The following PPP1R3E variants were observed in gnomAD, a reference collection of about 807,000 sequenced individuals.
The protein encoded by PPP1R3E is protein phosphatase 1 regulatory subunit 3E.
In PPP1R3E, 20 loss-of-function variants were observed where a neutral mutation model predicts 18.5. That is an observed-to-expected ratio of 1.08 (90% CI 0.76 to 1.58). The LOEUF (loss-of-function observed/expected upper bound fraction) is 1.58, where lower values mean the gene tolerates loss of function less well. Among genes scored for constraint, PPP1R3E ranks in the 40% most tolerant of loss-of-function variants. The pLI is 0.00. For missense variants in PPP1R3E, 498 were observed against 460.2 expected (o/e 1.08, Z -0.75); for synonymous variants, 208 against 208.1 (o/e 1.00, Z 0.00).
chr14:23,299,930 T>TTTG lies in PPP1R3E; in HGVS notation c.*246-390_*246-389insCAA, dbSNP rs1311388156. Among the ~76,000 whole-genome samples the TTTG allele has an allele frequency of 7.5e-5, 8 of 107,224 alleles. No individual in the cohort carries two copies. The East Asian group carries it at 8.6e-4, about 11-fold the overall frequency. The allele number at this position is 107,224 out of a possible 152,430, so 70.3% of individuals were successfully genotyped here. ...GCTTTGGTGTTTTTTTGTTTTTGTT[T>TTTG]TTTTTTTTTTTTTTTTTTTACAACC... is the stretch of plus-strand genomic sequence containing the variant. On this transcript the variant is annotated intron_variant, in intron 3 of 4. Coordinates refer to ENST00000452015, the MANE Select transcript of PPP1R3E (RefSeq NM_001276318.2).
In PPP1R3E at chr14:23,298,294, T is replaced by G. The variant is rs1297495098; in HGVS notation, c.*1010A>C. ...CTATGATCATTTCCTAATAAGAGAT[T>G]ATAGCAAGGTTTTAAATTTTGTTTT... is the stretch of plus-strand genomic sequence containing the variant. On this transcript the variant is annotated 3_prime_UTR_variant, in exon 5 of 5. Transcript: ENST00000452015. 6.6e-6 allele frequency: 1 copy of G among 152,060 alleles called. No homozygotes were observed. The highest frequency in any genetic ancestry group is 2.4e-5 in the African/African-American group (1 of 41,416). 9.4% of individuals were successfully genotyped at this position (152,060 alleles called of 1,614,324 possible).
At position 23,302,170 on chromosome 14, in the gene PPP1R3E, C is replaced by G. The variant is rs1237690679; in HGVS notation, c.407G>C (p.Arg136Pro). 1.4e-6 allele frequency: 2 copies of G among 1,411,178 alleles called. No individual in the cohort carries two copies. Among genetic ancestry groups the G allele is most frequent in the African/African-American group, 3.0e-5 (2 of 66,122 alleles). The allele number at this position is 1,411,178 out of a possible 1,614,324, so 87.4% of individuals were successfully genotyped here. The change falls in exon 1 of 5, where the codon CGC (arginine) becomes CCC (proline). Residue 136 changes from arginine to proline, a missense_variant. By Grantham distance (103) the Arg-to-Pro change is moderately radical. Coordinates refer to ENST00000452015, the MANE Select transcript of PPP1R3E (RefSeq NM_001276318.2). Reference protein sequence around the residue: ...RHFAPCQPRARGLQEARAALE... With the variant: ...RHFAPCQPRAPGLQEARAALE... ...GCCCCCGCCGCCTACCTGGAGGCCG[C>G]GGGCGCGGGGCTGGCAGGGCGCGAA...
At position 23,302,569 on chromosome 14, in the gene PPP1R3E, C is replaced by T. The variant is rs924655652; in HGVS notation, c.8G>A (p.Arg3His). The T allele has an allele frequency of 6.9e-7, 1 of 1,458,916 alleles. No individual in the cohort carries two copies. 90.4% of individuals were successfully genotyped at this position (1,458,916 alleles called of 1,614,324 possible). The change falls in exon 1 of 5, where the codon CGT (arginine) becomes CAT (histidine). Residue 3 changes from arginine to histidine, a missense_variant. Transcript: ENST00000452015. MS[R>H]ERPPGTDIPR... ...AATGTCGGTGCCCGGGGGCCGCTCACGGGACATGGCAGCCCCTTCCCCGGC... is the reference window on the plus strand; with the variant it reads ...AATGTCGGTGCCCGGGGGCCGCTCATGGGACATGGCAGCCCCTTCCCCGGC...
chr14:23,302,435 G>T lies in PPP1R3E; in HGVS notation c.142C>A (p.Arg48=). Residue 48 remains arginine (R), a synonymous_variant, in exon 1 of 5, where the codon CGG becomes AGG. Coordinates refer to ENST00000452015, the MANE Select transcript of PPP1R3E (RefSeq NM_001276318.2). ...TGAGCGCGGGATCGGGCCCCGAACC[G>T]CGTCCCGCCCTCGCCTGGCTCCTCC... ...PEEEPGEGGT[R]FGARSRAHAP... The T allele has an allele frequency of 6.7e-7, 1 of 1,500,278 alleles. No individual in the cohort carries two copies. Among genetic ancestry groups the T allele is most frequent in the Non-Finnish European group, 8.8e-7 (1 of 1,133,844 alleles). The allele number at this position is 1,500,278 out of a possible 1,614,324, so 92.9% of individuals were successfully genotyped here.
At position 23,301,704 on chromosome 14, in the gene PPP1R3E, A is replaced by C; in HGVS notation, c.572T>G (p.Val191Gly). 7.3e-7 allele frequency: 1 copy of C among 1,371,456 alleles called. No individual in the cohort carries two copies. 85.0% of individuals were successfully genotyped at this position (1,371,456 alleles called of 1,614,324 possible). ...VDLAYEKRVS[V>G]RWSADGWRSQ... ...CCGCCAGCCGTCGGCGCTCCAGCGC[A>C]CGCTCACGCGCTTCTCGTAGGCCAG... Residue 191 changes from valine (V) to glycine (G), a missense_variant, in exon 2 of 5, where the codon GTG becomes GGG. By Grantham distance (109) the Val-to-Gly change is moderately radical. Coordinates refer to ENST00000452015, the MANE Select transcript of PPP1R3E (RefSeq NM_001276318.2).
chr14:23,297,266 C>T lies in PPP1R3E; in HGVS notation c.*2038G>A, dbSNP rs149862323. 2.2e-4 allele frequency: 33 copies of T among 152,390 alleles called. 1 individual carries two copies. The highest frequency in any genetic ancestry group is 6.7e-4 in the African/African-American group (28 of 41,582). 9.4% of individuals were successfully genotyped at this position (152,390 alleles called of 1,614,324 possible). A position where few individuals can be genotyped will look rare whatever the true frequency, so the allele number is the denominator to read the frequency against. On this transcript the variant is annotated 3_prime_UTR_variant, in exon 5 of 5. Transcript: ENST00000452015. Reference sequence around the variant, plus strand: ...ATTCCGCTAAACTCCTAGTGTTCCCCGTGTCAGATTAGACTGCACCCGCTG... The same window carrying T: ...ATTCCGCTAAACTCCTAGTGTTCCCTGTGTCAGATTAGACTGCACCCGCTG...
rs1886904790 is a variant in PPP1R3E at position 23,297,334 on chromosome 14, T to C, written c.*1970A>G. On this transcript the variant is annotated 3_prime_UTR_variant, in exon 5 of 5. Coordinates refer to ENST00000452015, the MANE Select transcript of PPP1R3E (RefSeq NM_001276318.2). The stretch of plus-strand genomic sequence containing the variant: ...CAGCTCTGTCCATGCACACTCAGCT[T>C]TGCTTACTGAGGGTGTGAGAAATAC... The C allele has an allele frequency of 6.6e-6, 1 of 152,236 alleles. No homozygotes were observed. The highest frequency in any genetic ancestry group is 1.5e-5 in the Non-Finnish European group (1 of 68,056). The allele number at this position is 152,236 out of a possible 1,614,324, so 9.4% of individuals were successfully genotyped here. A position where few individuals can be genotyped will look rare whatever the true frequency, so the allele number is the denominator to read the frequency against.
chr14:23,301,094 A>G (rs186179480), intron 2 of PPP1R3E: 3 of 245,278 alleles, frequency 1.2e-5, no homozygotes, highest in Admixed American at 1.1e-4. Context: ...CCACTCACTG[A>G]AGGGAAGGCC....
At position 23,302,398 on chromosome 14, in the gene PPP1R3E, C is replaced by T. The variant is rs947369543; in HGVS notation, c.179G>A (p.Arg60Gln). 41 of 1,487,518 alleles carry T rather than the reference C, an allele frequency of 2.8e-5. No homozygotes were observed. Among genetic ancestry groups the T allele is most frequent in the Non-Finnish European group, 3.4e-5 (38 of 1,129,572 alleles). The allele number at this position is 1,487,518 out of a possible 1,614,324, so 92.1% of individuals were successfully genotyped here. Residue 60 changes from arginine to glutamine, a missense_variant, in exon 1 of 5, where the codon CGG becomes CAG. By Grantham distance (43) the Arg-to-Gln change is conservative. Transcript: ENST00000452015. ...GARSRAHAPS[R>Q]GRRARSAPAG... ...TGGTGCAGATCGGGCCCGGCGGCCC[C>T]GACTCGGTGCGTGAGCGCGGGATCG...
Position 23,301,581 on chromosome 14 carries a change from C to A in PPP1R3E, c.695G>T (p.Gly232Val). 4 of 1,454,696 alleles carry A rather than the reference C, an allele frequency of 2.7e-6. No individual in the cohort carries two copies. Among genetic ancestry groups the A allele is most frequent in the Admixed American group, 2.4e-5 (1 of 41,634 alleles). 90.1% of individuals were successfully genotyped at this position (1,454,696 alleles called of 1,614,324 possible). The change falls in exon 2 of 5, where the codon GGC becomes GTC. Residue 232 changes from glycine to valine, a missense_variant. By Grantham distance (109) the Gly-to-Val change is moderately radical. Transcript: ENST00000452015. Reference sequence around the variant, plus strand: ...GTAGCGCAAGGCGAAGAGCAGGGCGCCCCCAATCGGCGGCGCGGGCAGGCG... The same window carrying A: ...GTAGCGCAAGGCGAAGAGCAGGGCGACCCCAATCGGCGGCGCGGGCAGGCG... ...AFRLPAPPIG[G>V]ALLFALRYRV...
At chr14:23,300,383 A>G (rs1369668883) in intron 3 of PPP1R3E, 1 of 152,228 alleles carries the variant, frequency 6.6e-6, no homozygotes, top group African/African-American at 2.4e-5. Context: ...TGCCATGTAC[A>G]GATCACAAAA....
Position 23,301,631 on chromosome 14 carries a change from CG to C in PPP1R3E, c.644del (p.Pro215ArgfsTer28), listed in dbSNP as rs1377231652. The C allele has an allele frequency of 5.1e-6, 7 of 1,384,554 alleles. No individual in the cohort carries two copies. Among genetic ancestry groups the C allele is most frequent in the Admixed American group, 6.0e-5 (2 of 33,466 alleles). The allele number at this position is 1,384,554 out of a possible 1,614,324, so 85.8% of individuals were successfully genotyped here. A position where few individuals can be genotyped will look rare whatever the true frequency, so the allele number is the denominator to read the frequency against. ...GGAAGGCGAAGCGGTCGGCGCGCGG[CG>C]GGGGCGGGGCCGGACCGGCGTAGGC... ...PAAYAGPAPP[P>X]PRADRFAFRL... is the part of the protein sequence containing the mutation. On this transcript the variant is annotated frameshift_variant, in exon 2 of 5. Coordinates refer to ENST00000452015, the MANE Select transcript of PPP1R3E (RefSeq NM_001276318.2). LOFTEE classifies it high-confidence loss of function.
intron 1 of PPP1R3E, 73 bp from the exon 2 acceptor site, chr14:23,301,931 C>A: frequency 7.4e-7 from 1 of 1,359,722 alleles, no homozygotes; most frequent in Non-Finnish European, 9.5e-7. Flanking sequence ...GGTGTCAGAG[C>A]AAGGCACTGG....
At chr14:23,301,963 G>C (rs1313888702) in intron 1 of PPP1R3E, 105 bp from the exon 2 acceptor site, 3 of 1,301,650 alleles carry the variant, frequency 2.3e-6, no homozygotes, top group Non-Finnish European at 3.0e-6. Flanking sequence ...GCCGACCCCG[G>C]CGTCCAGGCC....
At chr14:23,301,111 A>G in intron 2 of PPP1R3E, 187 bp downstream of exon 2, 1 of 264,588 alleles carries the variant, frequency 3.8e-6, no homozygotes, top group Admixed American at 5.4e-5. Flanking sequence ...GGCCACCATC[A>G]TCCCCATTCT....
Position 23,302,328 on chromosome 14 carries a change from GT to G in PPP1R3E, c.248del (p.Asp83AlafsTer76). 6.6e-7 allele frequency: 1 copy of G among 1,513,106 alleles called. No individual in the cohort carries two copies. Among genetic ancestry groups the G allele is most frequent in the Non-Finnish European group, 8.8e-7 (1 of 1,139,116 alleles). The allele number at this position is 1,513,106 out of a possible 1,614,324, so 93.7% of individuals were successfully genotyped here. The part of the protein sequence containing the change: ...GARAPRSRSP[D>X]TRKRVRFADA... The stretch of plus-strand genomic sequence containing the variant: ...CGGCGAAACGCACTCTCTTGCGGGT[GT>G]CTGGGCTACGGCTGCGGGGCGCCCG... On this transcript the variant is annotated frameshift_variant, in exon 1 of 5. Coordinates refer to ENST00000452015, the MANE Select transcript of PPP1R3E (RefSeq NM_001276318.2). LOFTEE classifies it high-confidence loss of function.
Position 23,302,379 on chromosome 14 carries a change from A to G in PPP1R3E, c.198T>C (p.Ser66=), listed in dbSNP as rs934581473. 6.0e-6 allele frequency: 9 copies of G among 1,493,598 alleles called. No individual in the cohort carries two copies. The highest frequency in any genetic ancestry group is 6.2e-6 in the Non-Finnish European group (7 of 1,132,086). 92.5% of individuals were successfully genotyped at this position (1,493,598 alleles called of 1,614,324 possible). Residue 66 remains serine, a synonymous_variant, in exon 1 of 5, where the codon TCT becomes TCC. Transcript: ENST00000452015. ...GGGCCCCGCCGCCTCCGGCTGGTGC[A>G]GATCGGGCCCGGCGGCCCCGACTCG... The part of the protein sequence containing the change: ...HAPSRGRRAR[S]APAGGGGARA...
chr14:23,301,652 G>T lies in PPP1R3E; in HGVS notation c.624C>A (p.Tyr208Ter). The T allele has an allele frequency of 7.6e-7, 1 of 1,317,818 alleles. No individual in the cohort carries two copies. Among genetic ancestry groups the T allele is most frequent in the African/African-American group, 1.5e-5 (1 of 64,888 alleles). The allele number at this position is 1,317,818 out of a possible 1,614,324, so 81.6% of individuals were successfully genotyped here. The stretch of plus-strand genomic sequence containing the variant: ...GCGGCGGGGGCGGGGCCGGACCGGC[G>T]TAGGCGGCTGGCGCCTCGCGTTGGC... Reference protein sequence around the residue: ...WRSQREAPAAYAGPAPPPPRA... With the variant: ...WRSQREAPAA The change falls in exon 2 of 5, where the codon TAC becomes TAA. Residue 208 changes from tyrosine (Y) to a stop codon, truncating the protein, a stop_gained. Transcript: ENST00000452015. LOFTEE classifies it high-confidence loss of function.
chr14:23,301,935 G>A, intron 1 of PPP1R3E, 77 bp from the exon 2 acceptor site: 1 of 1,347,938 alleles, frequency 7.4e-7, no homozygotes, highest in Admixed American at 3.8e-5. Flanking sequence ...TCAGAGCAAG[G>A]CACTGGACCA....
Sources: allele counts gnomAD v4.1 joint callset (sites outside exome capture counted in the v4.1 genomes callset), GRCh38; gene constraint gnomAD v4.1.1; transcripts MANE v1.5; gene names NCBI Gene and HGNC (gene_info 2026-07-23, HGNC 2026-07-21).